The following MINDY4 variants were observed in gnomAD, a reference collection of about 807,000 sequenced individuals.
MINDY4 encodes probable ubiquitin carboxyl-terminal hydrolase MINDY-4.
A neutral mutation model predicts 87.0 loss-of-function variants in MINDY4; 68 were observed. The ratio of observed to expected loss-of-function variants is 0.78; its 90% CI spans 0.64 to 0.96. MINDY4 has a LOEUF of 0.96. Among genes scored for constraint, MINDY4 ranks in the 40% least tolerant of loss-of-function variants. The pLI is 0.00. For missense variants in MINDY4, 919 were observed against 928.2 expected (o/e 0.99, Z 0.13); for synonymous variants, 379 against 363.2 (o/e 1.04, Z -0.50).
intron 5 of MINDY4, among the ~76,000 whole-genome samples, chr7:30,819,490 CAT>C (rs1788258692): frequency 1.3e-5 from 2 of 152,126 alleles, no homozygotes; most frequent in Non-Finnish European, 2.9e-5. Context: ...TTGGATCAAA[CAT>C]GTTAATTTAG....
chr7:30,781,497 C>G (rs1461174952), intron 2 of MINDY4: 3 of 155,850 alleles, frequency 1.9e-5, no homozygotes, highest in African/African-American at 7.2e-5. Flanking sequence ...TCACATTGAC[C>G]TGCTTCAGTT....
chr7:30,877,850 TTTTTTTTTA>T (rs1790320479), intron 15 of MINDY4, among the ~76,000 whole-genome samples: 1 of 98,508 alleles, frequency 1.0e-5, no homozygotes, highest in African/African-American at 6.4e-5. Context: ...TTTTTTTTTT[TTTTTTTTTA>T]AGTAGAGATG....
chr7:30,882,081 G>A, intron 15 of MINDY4, 100 bp from the exon 16 acceptor site: 1 of 1,150,558 alleles, frequency 8.7e-7, no homozygotes, highest in Non-Finnish European at 1.2e-6. Context: ...ATCTTCAGCA[G>A]GGCCTCTCTG....
chr7:30,781,888 C>T, intron 2 of MINDY4, 89 bp from the exon 3 acceptor site: 3 of 863,838 alleles, frequency 3.5e-6, no homozygotes, highest in Non-Finnish European at 5.4e-6. Flanking sequence ...AGTTGATAAA[C>T]TTAGTCAAAG....
At chr7:30,874,800 A>T (rs1399832643) in intron 14 of MINDY4, among the ~76,000 whole-genome samples, 1 of 152,108 alleles carries the variant, frequency 6.6e-6, no homozygotes, top group Admixed American at 6.5e-5. Context: ...TGAAGTTCAA[A>T]CAAGGCCTGG....
chr7:30,777,759 G>T (rs1786871180), intron 1 of MINDY4, among the ~76,000 whole-genome samples: 1 of 152,204 alleles, frequency 6.6e-6, no homozygotes, highest in African/African-American at 2.4e-5. Flanking sequence ...CCATGGCCCA[G>T]TGAGGTGGGC....
At chr7:30,885,285 C>T (rs910984193) in intron 17 of MINDY4, among the ~76,000 whole-genome samples, 3 of 152,122 alleles carry the variant, frequency 2.0e-5, no homozygotes, top group South Asian at 2.1e-4. Flanking sequence ...TTTGGAAGGC[C>T]GAGACGGGCA....
rs201662405 is a variant in MINDY4, at chr7:30,791,120, C to T, written c.664-45C>T. ...TTGAAGTGGGATCTTTGTTTTCCAG[C>T]TCCCCTCAAAGGGTCCTCACTGCTT... On this transcript the variant is annotated intron_variant, in intron 4 of 17. Transcript: ENST00000265299. The T allele has an allele frequency of 7.3e-6, 11 of 1,514,690 alleles. No individual in the cohort carries two copies. In the Admixed American group the frequency reaches 1.8e-4, roughly 25 times the overall value. The allele number at this position is 1,514,690 out of a possible 1,614,324, so 93.8% of individuals were successfully genotyped here. A position where few individuals can be genotyped will look rare whatever the true frequency, so the allele number is the denominator to read the frequency against.
At chr7:30,797,190 C>G (rs62446942) in intron 5 of MINDY4, among the ~76,000 whole-genome samples, 6 of 152,210 alleles carry the variant, frequency 3.9e-5, no homozygotes, top group Non-Finnish European at 7.3e-5. Flanking sequence ...CTGCGATGGC[C>G]TACTGTGTGC....
intron 17 of MINDY4, among the ~76,000 whole-genome samples, chr7:30,886,282 T>C (rs981114044): frequency 3.3e-5 from 5 of 152,160 alleles, no homozygotes; most frequent in Admixed American, 6.5e-5. Flanking sequence ...CTGGACACCA[T>C]GGAAGAAACA....
At chr7:30,888,814 G>T (rs1183495210) in intron 17 of MINDY4, among the ~76,000 whole-genome samples, 2 of 152,152 alleles carry the variant, frequency 1.3e-5, no homozygotes, top group East Asian at 1.9e-4. Context: ...TGGATGGAGC[G>T]GGTTGGTTAT....
At chr7:30,809,495 T>C (rs182767818) in intron 5 of MINDY4, among the ~76,000 whole-genome samples, 7 of 150,042 alleles carry the variant, frequency 4.7e-5, no homozygotes, top group African/African-American at 1.7e-4. Context: ...CGACCAGACC[T>C]AGGAGGAACC....
chr7:30,801,458 T>C (rs1263482230), intron 5 of MINDY4, among the ~76,000 whole-genome samples: 1 of 152,088 alleles, frequency 6.6e-6, no homozygotes, highest in Non-Finnish European at 1.5e-5. Flanking sequence ...TCTTCTGTGG[T>C]GGATACAGCT....
intron 5 of MINDY4, among the ~76,000 whole-genome samples, chr7:30,823,134 A>G (rs1788392499): frequency 6.6e-6 from 1 of 152,036 alleles, no homozygotes; most frequent in Non-Finnish European, 1.5e-5. Context: ...CATTAATGTC[A>G]GTTTGTTTTA....
chr7:30,854,328 A>T (rs1789508302), intron 12 of MINDY4, among the ~76,000 whole-genome samples: 1 of 152,148 alleles, frequency 6.6e-6, no homozygotes, highest in Non-Finnish European at 1.5e-5. Flanking sequence ...GCTGTGCTTG[A>T]TGTTCTCAGT....
chr7:30,883,115 TGTG>T, intron 17 of MINDY4, 122 bp downstream of exon 17: 2 of 904,116 alleles, frequency 2.2e-6, no homozygotes, highest in East Asian at 5.0e-5. Context: ...TTCAAAGAGG[TGTG>T]GTGATTGGAA....
chr7:30,882,375 C>T lies in MINDY4; in HGVS notation c.2152+14C>T, dbSNP rs761088585. 4.7e-6 allele frequency: 6 copies of T among 1,270,598 alleles called. No homozygotes were observed. Among genetic ancestry groups the T allele is most frequent in the East Asian group, 3.0e-5 (1 of 33,798 alleles). The allele number at this position is 1,270,598 out of a possible 1,614,324, so 78.7% of individuals were successfully genotyped here. On this transcript the variant is annotated intron_variant, in intron 16 of 17. Transcript: ENST00000265299. ...GGCTGACCATTGGTGCGGGCCCTCA[C>T]CCCCCCACCCACCCAACCCTGTCCC...
intron 4 of MINDY4, among the ~76,000 whole-genome samples, chr7:30,789,739 G>A (rs964339863): frequency 2.0e-5 from 3 of 152,140 alleles, no homozygotes; most frequent in African/African-American, 7.2e-5. Context: ...TTTGGTCTTG[G>A]ATTATTTCTG....
intron 5 of MINDY4, among the ~76,000 whole-genome samples, chr7:30,821,218 CG>C (rs1788318121): frequency 6.6e-6 from 1 of 152,030 alleles, no homozygotes; most frequent in African/African-American, 2.4e-5. Context: ...TTTTTATTGT[CG>C]GTTCTCATTT....
Sources: allele counts gnomAD v4.1 joint callset (sites outside exome capture counted in the v4.1 genomes callset), GRCh38; gene constraint gnomAD v4.1.1; transcripts MANE v1.5; gene names NCBI Gene and HGNC (gene_info 2026-07-23, HGNC 2026-07-21).